Variants in CNTN4 observed in about 807,000 individuals in gnomAD.
The protein encoded by CNTN4 is contactin-4.
In CNTN4, 77 loss-of-function variants were observed where a neutral mutation model predicts 122.5. The ratio of observed to expected loss-of-function variants is 0.63; its 90% confidence interval spans 0.52 to 0.76. The LOEUF is 0.76. CNTN4 is among the 30% of genes least tolerant of loss of function. The pLI, the probability that CNTN4 is intolerant of heterozygous loss-of-function variation, is 0.00. For missense variants in CNTN4, 1,256 were observed against 1,259.1 expected, an observed-to-expected ratio of 1.00 and a Z score of 0.04; for synonymous variants, 512 against 447.0, an observed-to-expected ratio of 1.15 and a Z score of -1.83.
intron 3 of CNTN4, among the ~76,000 whole-genome samples, chr3:2,495,695 T>C (rs2076434835): frequency 6.6e-6 from 1 of 152,132 alleles, no homozygotes; most frequent in Non-Finnish European, 1.5e-5. Flanking sequence ...GCACCCTCCT[T>C]ATGAGAATCT....
At chr3:2,927,124 T>TA (rs148044757) in intron 13 of CNTN4, among the ~76,000 whole-genome samples, 10,835 of 152,254 alleles carry the variant, frequency 0.071, 513 homozygotes, top group Non-Finnish European at 0.11. Context: ...GTTTTAATTT[T>TA]AAAATGACAC....
At chr3:2,179,193 G>A (rs941792294) in intron 2 of CNTN4, among the ~76,000 whole-genome samples, 1 of 152,040 alleles carries the variant, frequency 6.6e-6, no homozygotes, top group African/African-American at 2.4e-5. Flanking sequence ...TAATCATCAT[G>A]TAATTGCACA....
At chr3:2,214,533 A>C (rs905065922) in intron 2 of CNTN4, among the ~76,000 whole-genome samples, 3 of 152,190 alleles carry the variant, frequency 2.0e-5, no homozygotes, top group Non-Finnish European at 4.4e-5. Context: ...CAAAACAGAC[A>C]GTTTCTCAGA....
chr3:2,540,666 C>A (rs757728350), intron 3 of CNTN4, among the ~76,000 whole-genome samples: 3 of 152,044 alleles, frequency 2.0e-5, no homozygotes, highest in Non-Finnish European at 2.9e-5. Flanking sequence ...TAGTCAATTT[C>A]ATAAACATAA....
intron 6 of CNTN4, among the ~76,000 whole-genome samples, chr3:2,769,393 A>G (rs1471466464): frequency 2.0e-5 from 3 of 148,984 alleles, no homozygotes; most frequent in Non-Finnish European, 4.4e-5. Context: ...TGAACCCGGG[A>G]GGCAGAGGTT....
chr3:2,767,142 G>A (rs544607239), intron 6 of CNTN4, among the ~76,000 whole-genome samples: 2 of 152,296 alleles, frequency 1.3e-5, no homozygotes, highest in Non-Finnish European at 2.9e-5. Context: ...ATGTAAAAGC[G>A]AGGGTGACAA....
At chr3:2,387,603 T>C (rs576856746) in intron 3 of CNTN4, among the ~76,000 whole-genome samples, 57 of 152,250 alleles carry the variant, frequency 3.7e-4, no homozygotes, top group Admixed American at 1.4e-3. Context: ...TTGAAAAATA[T>C]AAAAATTATA....
chr3:2,774,579 G>C (rs541350422), intron 6 of CNTN4, among the ~76,000 whole-genome samples: 2 of 152,032 alleles, frequency 1.3e-5, no homozygotes, highest in African/African-American at 2.4e-5. Context: ...ACAATTGATA[G>C]CTTATGTATT....
intron 3 of CNTN4, among the ~76,000 whole-genome samples, chr3:2,430,038 C>G (rs905974516): frequency 2.6e-5 from 4 of 152,148 alleles, no homozygotes; most frequent in African/African-American, 9.7e-5. Flanking sequence ...ATGCCTCGCT[C>G]TGCTTCAGCT....
At chr3:2,894,202 T>C (rs1021249972) in intron 10 of CNTN4, among the ~76,000 whole-genome samples, 1 of 152,178 alleles carries the variant, frequency 6.6e-6, no homozygotes, top group Non-Finnish European at 1.5e-5. Context: ...TGATATTTTG[T>C]TTTGATTGAA....
At chr3:2,643,834 C>G (rs1305695724) in intron 4 of CNTN4, among the ~76,000 whole-genome samples, 1 of 152,184 alleles carries the variant, frequency 6.6e-6, no homozygotes, top group African/African-American at 2.4e-5. Flanking sequence ...TGTGAGGTCA[C>G]AGGCACCCTA....
intron 4 of CNTN4, among the ~76,000 whole-genome samples, chr3:2,574,050 C>T (rs1022620272): frequency 6.6e-6 from 1 of 152,084 alleles, no homozygotes; most frequent in Non-Finnish European, 1.5e-5. Context: ...AGCCCCGTCT[C>T]TACTAAAAAT....
At chr3:2,435,891 T>C (rs1165698303) in intron 3 of CNTN4, among the ~76,000 whole-genome samples, 10 of 152,190 alleles carry the variant, frequency 6.6e-5, no homozygotes, top group Non-Finnish European at 1.3e-4. Context: ...TCTATTCCCT[T>C]GTAATTAATT....
At chr3:2,814,438 T>C (rs2092683345) in intron 6 of CNTN4, among the ~76,000 whole-genome samples, 5 of 152,230 alleles carry the variant, frequency 3.3e-5, no homozygotes, top group Admixed American at 3.3e-4. Context: ...TGTTTCTGTT[T>C]ATTTTCTCCT....
intron 3 of CNTN4, among the ~76,000 whole-genome samples, chr3:2,515,511 A>G (rs1287153099): frequency 1.3e-5 from 2 of 152,216 alleles, no homozygotes; most frequent in African/African-American, 4.8e-5. Flanking sequence ...AAAGGCATAC[A>G]TCATTTTATT....
intron 8 of CNTN4, among the ~76,000 whole-genome samples, chr3:2,877,589 A>G (rs2093859157): frequency 6.6e-6 from 1 of 152,192 alleles, no homozygotes; most frequent in Non-Finnish European, 1.5e-5. Flanking sequence ...AGACTAAATT[A>G]TATGTGTTCC....
intron 2 of CNTN4, among the ~76,000 whole-genome samples, chr3:2,236,804 C>G (rs2039697567): frequency 6.6e-6 from 1 of 152,124 alleles, no homozygotes; most frequent in Admixed American, 6.5e-5. Flanking sequence ...GTTAAGGCTG[C>G]AGTCACAAAT....
intron 12 of CNTN4, 63 bp from the exon 13 acceptor site, chr3:2,925,566 A>T: frequency 6.6e-7 from 1 of 1,524,718 alleles, no homozygotes; most frequent in Non-Finnish European, 9.1e-7. Flanking sequence ...AAAGAAAAAG[A>T]CTAAGGAATT....
intron 2 of CNTN4, among the ~76,000 whole-genome samples, chr3:2,233,993 C>G (rs146779799): frequency 5.9e-5 from 9 of 152,102 alleles, no homozygotes; most frequent in African/African-American, 1.9e-4. Flanking sequence ...ACGATTCCAG[C>G]AATGCCATAT....
Sources: allele counts gnomAD v4.1 joint callset (sites outside exome capture counted in the v4.1 genomes callset), GRCh38; gene constraint gnomAD v4.1.1; transcripts MANE v1.5; gene names NCBI Gene and HGNC (gene_info 2026-07-23, HGNC 2026-07-21).